SLC35F1: variants seen among roughly 807,000 people sequenced by gnomAD.
The protein encoded by SLC35F1 is solute carrier family 35 member F1, also known as chromosome 6 open reading frame 169.
In SLC35F1, 14 loss-of-function variants were observed where a neutral mutation model predicts 48.7. The observed-to-expected ratio is 0.29, with a 90% CI of 0.19 to 0.45. The LOEUF is 0.45. Ranked by LOEUF, SLC35F1 falls within the 20% of genes least tolerant of loss-of-function variation. The probability of loss-of-function intolerance (pLI) is 1.00; values close to 1 mark genes in which losing one functional copy is unlikely to be tolerated. For synonymous variants in SLC35F1, 190 were observed against 202.2 expected (o/e 0.94, Z 0.51); for missense variants, 404 against 500.0 (o/e 0.81, Z 1.83).
chr6:118,026,838 A>G (rs1263423251), intron 1 of SLC35F1, among the ~76,000 whole-genome samples: 8 of 152,190 alleles, frequency 5.3e-5, no homozygotes, highest in Non-Finnish European at 1.2e-4. Flanking sequence ...ATTTATGTAC[A>G]GTAAAATTTA....
intron 1 of SLC35F1, among the ~76,000 whole-genome samples, chr6:117,995,985 G>C (rs1776982713): frequency 6.6e-6 from 1 of 152,106 alleles, no homozygotes; most frequent in Non-Finnish European, 1.5e-5. Context: ...CAGCAGAGGG[G>C]AAGATTCATT....
chr6:117,923,506 T>TAC lies in SLC35F1; in HGVS notation c.173+15611_173+15612dup, dbSNP rs60649718. Among the ~76,000 whole-genome samples, 12 of 144,166 alleles carry TAC rather than the reference T, an allele frequency of 8.3e-5. 1 individual carries two copies. The highest frequency in any genetic ancestry group is 2.2e-4 in the South Asian group (1 of 4,628). 94.6% of individuals were successfully genotyped at this position (144,166 alleles called of 152,430 possible). A position where few individuals can be genotyped will look rare whatever the true frequency, so the allele number is the denominator to read the frequency against. On this transcript the variant is annotated intron_variant, in intron 1 of 7. Transcript: ENST00000360388. ...TGTATATATATATAAAATATATATA[T>TAC]ACACATACATGTGTATATACACATA...
intron 1 of SLC35F1, among the ~76,000 whole-genome samples, chr6:118,098,919 T>C (rs1468713362): frequency 6.6e-6 from 1 of 152,200 alleles, no homozygotes; most frequent in African/African-American, 2.4e-5. Flanking sequence ...CTGGTTCCCT[T>C]CATTTTCTCA....
At chr6:118,199,662 G>A (rs530171601) in intron 2 of SLC35F1, among the ~76,000 whole-genome samples, 16 of 152,180 alleles carry the variant, frequency 1.1e-4, no homozygotes, top group Non-Finnish European at 2.1e-4. Context: ...ATTCACATAT[G>A]GTTGCAAAAC....
chr6:118,271,869 G>A (rs2114626463), intron 4 of SLC35F1, among the ~76,000 whole-genome samples: 1 of 152,260 alleles, frequency 6.6e-6, no homozygotes, highest in South Asian at 2.1e-4. Flanking sequence ...CACTTACTAA[G>A]TGTCAGATAC....
At chr6:117,978,635 A>G (rs182274821) in intron 1 of SLC35F1, among the ~76,000 whole-genome samples, 46 of 152,304 alleles carry the variant, frequency 3.0e-4, no homozygotes, top group Non-Finnish European at 5.7e-4. Context: ...CCTCTGGCAG[A>G]AACCCTGGTT....
intron 7 of SLC35F1, among the ~76,000 whole-genome samples, chr6:118,294,834 G>A (rs1776164673): frequency 6.6e-6 from 1 of 151,810 alleles, no homozygotes; most frequent in Non-Finnish European, 1.5e-5. Flanking sequence ...AAAAAAAAGA[G>A]AGATTTCAAA....
chr6:118,158,278 T>C (rs1774174783), intron 2 of SLC35F1, among the ~76,000 whole-genome samples: 1 of 152,252 alleles, frequency 6.6e-6, no homozygotes, highest in South Asian at 2.1e-4. Context: ...AATAATTACA[T>C]TAATTTTCTA....
intron 1 of SLC35F1, among the ~76,000 whole-genome samples, chr6:118,046,294 T>C (rs1355366817): frequency 6.6e-6 from 1 of 152,172 alleles, no homozygotes; most frequent in Non-Finnish European, 1.5e-5. Flanking sequence ...AGTGAAGCTG[T>C]GATAGTGGCC....
intron 2 of SLC35F1, among the ~76,000 whole-genome samples, chr6:118,223,254 T>G (rs942979415): frequency 6.6e-6 from 1 of 152,236 alleles, no homozygotes; most frequent in Non-Finnish European, 1.5e-5. Context: ...GAAAAATAAC[T>G]TAACCTCTTC....
At chr6:118,105,924 T>A (rs116289455) in intron 1 of SLC35F1, among the ~76,000 whole-genome samples, 1 of 152,150 alleles carries the variant, frequency 6.6e-6, no homozygotes, top group African/African-American at 2.4e-5. Flanking sequence ...ACCCTTAACA[T>A]TACTTGGCAA....
At chr6:118,189,306 T>C (rs1347269193) in intron 2 of SLC35F1, among the ~76,000 whole-genome samples, 1 of 152,224 alleles carries the variant, frequency 6.6e-6, no homozygotes, top group Non-Finnish European at 1.5e-5. Context: ...ATAGCCATTC[T>C]AACAGGTGTG....
chr6:118,071,515 C>T (rs1772727476), intron 1 of SLC35F1, among the ~76,000 whole-genome samples: 1 of 152,018 alleles, frequency 6.6e-6, no homozygotes, highest in Non-Finnish European at 1.5e-5. Flanking sequence ...CTAGGACTTT[C>T]CTTCACCATC....
At chr6:118,010,602 G>A (rs1582617282) in intron 1 of SLC35F1, among the ~76,000 whole-genome samples, 1 of 152,256 alleles carries the variant, frequency 6.6e-6, no homozygotes, top group South Asian at 2.1e-4. Context: ...ACAAAAGGTA[G>A]ACAATGCATA....
intron 2 of SLC35F1, among the ~76,000 whole-genome samples, chr6:118,177,346 A>G (rs998998200): frequency 6.6e-6 from 1 of 152,132 alleles, no homozygotes; most frequent in Non-Finnish European, 1.5e-5. Context: ...TCCTTTTGCT[A>G]TCTTAGACAA....
chr6:117,910,478 C>G (rs1775747719), intron 1 of SLC35F1, among the ~76,000 whole-genome samples: 1 of 152,184 alleles, frequency 6.6e-6, no homozygotes, highest in Admixed American at 6.5e-5. Flanking sequence ...TTGCCCTGTC[C>G]ACTCATTGTC....
intron 7 of SLC35F1, among the ~76,000 whole-genome samples, chr6:118,312,941 C>T (rs1046575661): frequency 3.9e-5 from 6 of 151,916 alleles, no homozygotes; most frequent in Non-Finnish European, 5.9e-5. Context: ...TCCCCATGGA[C>T]GCAGGATGTG....
In SLC35F1 at chr6:118,266,991, A is replaced by G. The variant is rs778655788; in HGVS notation, c.478-4A>G. ...TTGTTGTTTACCTTCATCCCTCCCAATAGCTCCTGGACTGTTTTGTGATCC... is the reference window on the plus strand; with the variant it reads ...TTGTTGTTTACCTTCATCCCTCCCAGTAGCTCCTGGACTGTTTTGTGATCC... On this transcript the variant is annotated splice_polypyrimidine_tract_variant and splice_region_variant and intron_variant, in intron 3 of 7. Coordinates refer to ENST00000360388, the MANE Select transcript of SLC35F1 (RefSeq NM_001029858.4). 5.0e-6 allele frequency: 8 copies of G among 1,613,480 alleles called. No homozygotes were observed. Among genetic ancestry groups the G allele is most frequent in the South Asian group, 1.1e-5 (1 of 91,034 alleles).
intron 1 of SLC35F1, among the ~76,000 whole-genome samples, chr6:118,026,067 C>A (rs1440809884): frequency 6.6e-6 from 1 of 152,106 alleles, no homozygotes; most frequent in African/African-American, 2.4e-5. Flanking sequence ...CCTTTGTCAG[C>A]CTCCAAGCTA....
Sources: gnomAD v4.1 joint callset for allele counts (sites outside exome capture counted in the v4.1 genomes callset) on GRCh38, gnomAD v4.1.1 for gene constraint, MANE v1.5 for transcripts, NCBI Gene and HGNC (gene_info 2026-07-23, HGNC 2026-07-21) for gene names.